Variants in MRPS27 observed in about 807,000 individuals in gnomAD.
The protein encoded by MRPS27 is small ribosomal subunit protein mS27.
A neutral mutation model predicts 48.9 loss-of-function variants in MRPS27; 43 were observed. The ratio of observed to expected loss-of-function variants is 0.88; its 90% CI spans 0.69 to 1.13. The LOEUF (loss-of-function observed/expected upper bound fraction) is 1.13. MRPS27 is among the 50% of genes most tolerant of loss of function. The pLI is 0.00. For missense variants in MRPS27, 467 were observed against 476.3 expected, an observed-to-expected ratio of 0.98 and a Z score of 0.18; for synonymous variants, 188 against 171.9, an observed-to-expected ratio of 1.09 and a Z score of -0.73.
chr5:72,308,974 G>C (rs767046718), intron 2 of MRPS27, among the ~76,000 whole-genome samples: 1 of 152,202 alleles, frequency 6.6e-6, no homozygotes, highest in Non-Finnish European at 1.5e-5. Context: ...CAGAAACCGA[G>C]TGTGACAGCT....
intron 4 of MRPS27, among the ~76,000 whole-genome samples, chr5:72,286,569 A>T (rs1749678771): frequency 1.4e-5 from 2 of 141,046 alleles, no homozygotes; most frequent in African/African-American, 4.9e-5. Context: ...CTTATAACAT[A>T]CACACAAAAA....
intron 2 of MRPS27, among the ~76,000 whole-genome samples, chr5:72,300,672 C>T (rs142561279): frequency 1.1e-3 from 167 of 152,272 alleles, no homozygotes; most frequent in Middle Eastern, 6.8e-3. Context: ...TCAATAAATC[C>T]TACAGGCTCT....
intron 9 of MRPS27, among the ~76,000 whole-genome samples, chr5:72,225,467 C>T (rs1240490831): frequency 2.6e-5 from 4 of 152,176 alleles, no homozygotes; most frequent in African/African-American, 4.8e-5. Context: ...TCCTGGAGTT[C>T]GAGCAACCTC....
intron 4 of MRPS27, among the ~76,000 whole-genome samples, chr5:72,272,014 TC>T (rs1436060664): frequency 3.3e-5 from 5 of 151,738 alleles, no homozygotes; most frequent in Admixed American, 3.3e-4. Flanking sequence ...TTTACATTTT[TC>T]CCCTCTAAAC....
chr5:72,294,803 A>AT (rs1041799977), intron 4 of MRPS27: 2 of 151,962 alleles, frequency 1.3e-5, no homozygotes, highest in African/African-American at 4.8e-5. Flanking sequence ...AAAAAAAAAA[A>AT]GGAGAGAAGA....
chr5:72,265,687 G>C (rs1370693470), intron 4 of MRPS27, among the ~76,000 whole-genome samples: 1 of 152,196 alleles, frequency 6.6e-6, no homozygotes, highest in Non-Finnish European at 1.5e-5. Context: ...AGTTTGGACA[G>C]ATGTCTCACA....
chr5:72,255,926 C>G (rs1018798663), intron 4 of MRPS27, among the ~76,000 whole-genome samples: 2 of 152,180 alleles, frequency 1.3e-5, no homozygotes, highest in African/African-American at 2.4e-5. Context: ...ATCAATAAAC[C>G]AGGGAGTGCT....
intron 4 of MRPS27, chr5:72,241,775 C>T: frequency 7.9e-7 from 1 of 1,265,518 alleles, no homozygotes; most frequent in Non-Finnish European, 1.1e-6. Context: ...TTTGTTCTCG[C>T]CTGCTCTGAC....
rs199790771 is a variant in MRPS27, at chr5:72,232,471, T to A, written c.563A>T (p.His188Leu). The change falls in exon 7 of 11, where the codon CAT becomes CTT. Residue 188 changes from histidine to leucine, a missense_variant. Coordinates refer to ENST00000261413, the MANE Select transcript of MRPS27 (RefSeq NM_015084.3). ...GAAGTCTGTCTTCTTTGCCAGGCAATGAAATAAAACATAGAGGGAGAGAAG... is the reference window on the plus strand; with the variant it reads ...GAAGTCTGTCTTCTTTGCCAGGCAAAGAAATAAAACATAGAGGGAGAGAAG... ...TQLLSLYVLF[H>L]CLAKKTDFSW... The A allele has an allele frequency of 1.2e-6, 2 of 1,611,976 alleles. No homozygotes were observed. The highest frequency in any genetic ancestry group is 1.7e-6 in the Non-Finnish European group (2 of 1,178,670).
At position 72,221,037 on chromosome 5, in the gene MRPS27, C is replaced by T. The variant is rs925768532; in HGVS notation, c.1117G>A (p.Ala373Thr). ...KLSTCEAEDI[A>T]TYEQNLQQWH... ...TGCTGCAGATTCTGCTCATAGGTGG[C>T]GATGTCCTCTGCTTCACAGGTGGAG... is the stretch of plus-strand genomic sequence containing the variant. The change falls in exon 11 of 11, where the codon GCC becomes ACC. Residue 373 changes from alanine to threonine, a missense_variant. Coordinates refer to ENST00000261413, the MANE Select transcript of MRPS27 (RefSeq NM_015084.3). 1.9e-6 allele frequency: 3 copies of T among 1,614,034 alleles called. No individual in the cohort carries two copies. The highest frequency in any genetic ancestry group is 1.1e-5 in the South Asian group (1 of 91,084).
At chr5:72,294,710 T>C (rs1749931331) in intron 4 of MRPS27, 1 of 151,926 alleles carries the variant, frequency 6.6e-6, no homozygotes, top group Non-Finnish European at 1.5e-5. Context: ...GTGAAGTAAA[T>C]GTGGTAATGT....
At chr5:72,222,847 A>C (rs1747783982) in intron 10 of MRPS27, among the ~76,000 whole-genome samples, 1 of 152,240 alleles carries the variant, frequency 6.6e-6, no homozygotes. Flanking sequence ...AAAATACAAC[A>C]GGCTCCTCCT....
At chr5:72,305,060 G>T (rs1388640363) in intron 2 of MRPS27, among the ~76,000 whole-genome samples, 1 of 152,174 alleles carries the variant, frequency 6.6e-6, no homozygotes, top group Non-Finnish European at 1.5e-5. Context: ...ACAGAAGGAA[G>T]TATGGAAAAC....
At chr5:72,288,384 T>C (rs1421496674) in intron 4 of MRPS27, among the ~76,000 whole-genome samples, 1 of 152,166 alleles carries the variant, frequency 6.6e-6, no homozygotes, top group Non-Finnish European at 1.5e-5. Context: ...ATTTTGTTTT[T>C]GTATTTTTAG....
At chr5:72,253,396 T>C (rs1748718655) in intron 4 of MRPS27, among the ~76,000 whole-genome samples, 1 of 152,202 alleles carries the variant, frequency 6.6e-6, no homozygotes, top group Non-Finnish European at 1.5e-5. Context: ...ATGGATTATA[T>C]AATCATCTAA....
intron 7 of MRPS27, chr5:72,229,641 A>C (rs11746655): frequency 6.6e-6 from 1 of 152,384 alleles, no homozygotes; most frequent in Admixed American, 6.6e-5. Flanking sequence ...AAGCCAAATG[A>C]ACACTAAAAT....
intron 4 of MRPS27, among the ~76,000 whole-genome samples, chr5:72,238,610 T>C (rs1460488349): frequency 1.3e-5 from 2 of 152,178 alleles, no homozygotes; most frequent in South Asian, 2.1e-4. Context: ...TGGGACACTC[T>C]TCACTGAGTC....
At chr5:72,256,373 T>C (rs967541670) in intron 4 of MRPS27, among the ~76,000 whole-genome samples, 1 of 152,182 alleles carries the variant, frequency 6.6e-6, no homozygotes, top group South Asian at 2.1e-4. Flanking sequence ...AAAATAAAAT[T>C]TAATGGAGTA....
rs759878753 is a variant in MRPS27 at position 72,295,597 on chromosome 5, A to T, written c.223-8T>A. 6.2e-7 allele frequency: 1 copy of T among 1,602,270 alleles called. No homozygotes were observed. Among genetic ancestry groups the T allele is most frequent in the South Asian group, 1.1e-5 (1 of 90,686 alleles). ...GGAAATGTTGTCTATAAGCTAAAAG[A>T]CAGAAAAAGAAACCTTTGGTTGAAT... On this transcript the variant is annotated splice_region_variant and splice_polypyrimidine_tract_variant and intron_variant, in intron 3 of 10. Transcript: ENST00000261413.
Sources: gnomAD v4.1 joint callset for allele counts (sites outside exome capture counted in the v4.1 genomes callset) on GRCh38, gnomAD v4.1.1 for gene constraint, MANE v1.5 for transcripts, NCBI Gene and HGNC (gene_info 2026-07-23, HGNC 2026-07-21) for gene names.